Variants in CNTN5 observed in about 807,000 individuals in gnomAD.
The protein encoded by CNTN5 is contactin-5.
A neutral mutation model predicts 129.1 loss-of-function variants in CNTN5; 77 were observed. The observed-to-expected ratio is 0.60, with a 90% CI of 0.50 to 0.72. The LOEUF (loss-of-function observed/expected upper bound fraction) is 0.72, where lower values mean the gene tolerates loss of function less well. Ranked by LOEUF, CNTN5 falls within the 30% of genes least tolerant of loss-of-function variation. CNTN5 has a pLI of 0.00. For synonymous variants in CNTN5, 509 were observed against 465.6 expected (o/e 1.09, Z -1.20); for missense variants, 1,478 against 1,328.8 (o/e 1.11, Z -1.75).
At chr11:99,827,507 C>A (rs1947001497) in intron 4 of CNTN5, among the ~76,000 whole-genome samples, 1 of 152,138 alleles carries the variant, frequency 6.6e-6, no homozygotes, top group Non-Finnish European at 1.5e-5. Context: ...CCATGTGGGA[C>A]TAAATTAAAA....
rs11281160 is a variant in CNTN5 at position 99,508,686 on chromosome 11, C to CTTTCTTTTTTT, written c.-70-47456_-70-47455insCTTTTTTTTTT. On this transcript the variant is annotated intron_variant, in intron 2 of 24. Transcript: ENST00000524871. Reference sequence around the variant, plus strand: ...GCATAATATAATTTTTCTTTTCTTTCTTTTTTTTTTGACACGGAATTTTGT... The same window carrying CTTTCTTTTTTT: ...GCATAATATAATTTTTCTTTTCTTTCTTTCTTTTTTTTTTTTTTTTTGACACGGAATTTTGT... 5.7e-3 allele frequency among the ~76,000 whole-genome samples: 840 copies of CTTTCTTTTTTT among 146,904 alleles called. 9 individuals carry two copies. Among genetic ancestry groups the CTTTCTTTTTTT allele is most frequent in the African/African-American group, 0.02 (791 of 39,880 alleles).
chr11:100,165,364 G>T (rs970318895), intron 13 of CNTN5, among the ~76,000 whole-genome samples: 2 of 151,676 alleles, frequency 1.3e-5, no homozygotes, highest in Non-Finnish European at 1.5e-5. Flanking sequence ...CATAGCAGGT[G>T]CTCAATAAGT....
intron 2 of CNTN5, among the ~76,000 whole-genome samples, chr11:99,519,126 TC>T (rs1480693009): frequency 6.6e-6 from 1 of 152,082 alleles, no homozygotes; most frequent in Non-Finnish European, 1.5e-5. Flanking sequence ...ATCAAACTCG[TC>T]TTTTTTTCTT....
Position 100,340,510 on chromosome 11 carries a change from C to G in CNTN5, c.2778C>G (p.Val926=). 6.2e-7 allele frequency: 1 copy of G among 1,612,520 alleles called. No homozygotes were observed. The highest frequency in any genetic ancestry group is 8.5e-7 in the Non-Finnish European group (1 of 1,179,158). Residue 926 remains valine, a synonymous_variant, in exon 22 of 25, where the codon GTC becomes GTG. Coordinates refer to ENST00000524871, the MANE Select transcript of CNTN5 (RefSeq NM_014361.4). ...AACAGGAAGATACAGCAGAAACAGTCAAAACTAGAGGGAATGAGTCTTTCG... is the reference window on the plus strand; with the variant it reads ...AACAGGAAGATACAGCAGAAACAGTGAAAACTAGAGGGAATGAGTCTTTCG... ...DMEQEDTAET[V]KTRGNESFVI... is the part of the protein sequence containing the mutation.
intron 10 of CNTN5, among the ~76,000 whole-genome samples, chr11:100,061,861 G>A (rs906544178): frequency 6.6e-6 from 1 of 152,156 alleles, no homozygotes; most frequent in Admixed American, 6.5e-5. Flanking sequence ...GAATTAAATA[G>A]AGACAGAGAC....
intron 3 of CNTN5, among the ~76,000 whole-genome samples, chr11:99,609,147 T>C (rs926321447): frequency 5.9e-5 from 9 of 152,180 alleles, no homozygotes; most frequent in Non-Finnish European, 1.2e-4. Flanking sequence ...AAACTCCAGT[T>C]AGAATTCAAA....
chr11:99,035,011 C>T (rs1050604956), intron 1 of CNTN5, among the ~76,000 whole-genome samples: 3 of 150,366 alleles, frequency 2.0e-5, no homozygotes, highest in Non-Finnish European at 3.0e-5. Context: ...TTATTTCTGC[C>T]TTCATTTCAT....
intron 4 of CNTN5, among the ~76,000 whole-genome samples, chr11:99,824,022 G>A (rs918953877): frequency 6.6e-6 from 1 of 151,908 alleles, no homozygotes; most frequent in African/African-American, 2.4e-5. Context: ...TTCCTGTAAA[G>A]CATACCACAC....
chr11:100,174,756 T>C (rs1459734713), intron 13 of CNTN5, among the ~76,000 whole-genome samples: 1 of 152,124 alleles, frequency 6.6e-6, no homozygotes, highest in Non-Finnish European at 1.5e-5. Context: ...GTTCTGAAAT[T>C]ATTCGGTCGC....
chr11:99,401,443 C>T (rs1941801208), intron 2 of CNTN5, among the ~76,000 whole-genome samples: 1 of 152,020 alleles, frequency 6.6e-6, no homozygotes, highest in Non-Finnish European at 1.5e-5. Context: ...ATGTATGTGT[C>T]TGTTTTATGC....
chr11:100,339,380 G>C (rs1203697288), intron 21 of CNTN5, among the ~76,000 whole-genome samples: 1 of 152,120 alleles, frequency 6.6e-6, no homozygotes, highest in Non-Finnish European at 1.5e-5. Context: ...AAGGGGATGG[G>C]AAGGGCAGGT....
At chr11:100,116,723 C>G (rs2138143391) in intron 13 of CNTN5, among the ~76,000 whole-genome samples, 1 of 151,872 alleles carries the variant, frequency 6.6e-6, no homozygotes, top group Admixed American at 6.6e-5. Flanking sequence ...CTTGACTAAT[C>G]TCATCTTTGA....
At chr11:99,369,012 A>G (rs2136126901) in intron 2 of CNTN5, among the ~76,000 whole-genome samples, 1 of 151,812 alleles carries the variant, frequency 6.6e-6, no homozygotes, top group East Asian at 1.9e-4. Context: ...GGCCATCTGT[A>G]TTTTGGCACC....
intron 6 of CNTN5, among the ~76,000 whole-genome samples, chr11:99,847,104 C>T (rs963980572): frequency 5.9e-5 from 9 of 152,126 alleles, no homozygotes; most frequent in African/African-American, 2.2e-4. Flanking sequence ...GTGGCTTATA[C>T]CTTACAGTTT....
intron 1 of CNTN5, among the ~76,000 whole-genome samples, chr11:99,309,778 TATG>T: frequency 6.6e-6 from 1 of 152,354 alleles, no homozygotes; most frequent in East Asian, 1.9e-4. Flanking sequence ...AGTTGTTTTA[TATG>T]ATAATATTAA....
chr11:100,054,578 C>T (rs555018513), intron 9 of CNTN5, among the ~76,000 whole-genome samples: 9 of 151,904 alleles, frequency 5.9e-5, no homozygotes, highest in Admixed American at 4.6e-4. Context: ...AAATGTTTTC[C>T]GCTGCATAGC....
chr11:99,254,782 T>C (rs915118667), intron 1 of CNTN5, among the ~76,000 whole-genome samples: 14 of 152,002 alleles, frequency 9.2e-5, no homozygotes, highest in Admixed American at 5.9e-4. Context: ...TCATTGAATA[T>C]TATTGACATC....
chr11:99,081,152 A>C (rs1054125600), intron 1 of CNTN5, among the ~76,000 whole-genome samples: 2 of 152,148 alleles, frequency 1.3e-5, no homozygotes, highest in African/African-American at 4.8e-5. Context: ...CCCATTGTAC[A>C]TTGCTTTTTC....
At chr11:99,204,829 G>A (rs1469053006) in intron 1 of CNTN5, among the ~76,000 whole-genome samples, 1 of 152,138 alleles carries the variant, frequency 6.6e-6, no homozygotes, top group Non-Finnish European at 1.5e-5. Flanking sequence ...AACTCTCTTT[G>A]CTTCTAAATA....
Sources: allele counts gnomAD v4.1 joint callset (sites outside exome capture counted in the v4.1 genomes callset), GRCh38; gene constraint gnomAD v4.1.1; transcripts MANE v1.5; gene names NCBI Gene and HGNC (gene_info 2026-07-23, HGNC 2026-07-21).